The following FHIP1A variants were observed in gnomAD, a reference collection of about 807,000 sequenced individuals.
FHIP1A encodes FHF complex subunit HOOK interacting protein 1A, also known as FHF complex subunit HOOK-interacting protein 1A.
In FHIP1A, 61 loss-of-function variants were observed where a neutral mutation model predicts 88.6. The ratio of observed to expected loss-of-function variants is 0.69; its 90% confidence interval spans 0.56 to 0.85. The LOEUF is 0.85. FHIP1A is among the 40% of genes least tolerant of loss of function. The probability of loss-of-function intolerance (pLI) is 0.00; values close to 1 mark genes in which losing one functional copy is unlikely to be tolerated. For synonymous variants in FHIP1A, 478 were observed against 496.0 expected (o/e 0.96, Z 0.48); for missense variants, 1,154 against 1,273.5 (o/e 0.91, Z 1.43).
At chr4:151,517,667 T>C (rs977684881) in intron 3 of FHIP1A, among the ~76,000 whole-genome samples, 1 of 152,046 alleles carries the variant, frequency 6.6e-6, no homozygotes, top group Non-Finnish European at 1.5e-5. Flanking sequence ...AGAACTGTGG[T>C]CCCCTAAGAT....
intron 10 of FHIP1A, among the ~76,000 whole-genome samples, chr4:151,647,372 C>G (rs1470065609): frequency 1.3e-5 from 2 of 152,208 alleles, no homozygotes; most frequent in Non-Finnish European, 2.9e-5. Flanking sequence ...ATCTGTATAT[C>G]TTTGATGGTC....
chr4:151,465,842 C>T (rs1189756677), intron 2 of FHIP1A, among the ~76,000 whole-genome samples: 2 of 152,160 alleles, frequency 1.3e-5, no homozygotes, highest in Non-Finnish European at 2.9e-5. Flanking sequence ...GTTACAAACT[C>T]TCAATAAACT....
intron 4 of FHIP1A, among the ~76,000 whole-genome samples, chr4:151,574,245 G>A (rs565133575): frequency 6.6e-6 from 1 of 152,302 alleles, no homozygotes; most frequent in Admixed American, 6.5e-5. Flanking sequence ...GTTAGAGCTG[G>A]GTCTTCAATG....
chr4:151,591,012 G>A (rs1227862793), intron 7 of FHIP1A, among the ~76,000 whole-genome samples: 3 of 151,912 alleles, frequency 2.0e-5, no homozygotes, highest in Non-Finnish European at 4.4e-5. Flanking sequence ...GGGCTATATA[G>A]CAACTAGGGA....
At chr4:151,589,687 C>T (rs1734351354) in intron 7 of FHIP1A, among the ~76,000 whole-genome samples, 1 of 152,178 alleles carries the variant, frequency 6.6e-6, no homozygotes, top group South Asian at 2.1e-4. Context: ...ATTCTGCATC[C>T]TGAAGTTCAA....
At chr4:151,578,423 G>C (rs911328149) in intron 5 of FHIP1A, among the ~76,000 whole-genome samples, 6 of 152,154 alleles carry the variant, frequency 3.9e-5, no homozygotes, top group Non-Finnish European at 8.8e-5. Flanking sequence ...GGTTGATTTT[G>C]CTCCAAGGAA....
intron 1 of FHIP1A, among the ~76,000 whole-genome samples, chr4:151,444,433 C>A (rs1728518992): frequency 6.6e-6 from 1 of 151,926 alleles, no homozygotes; most frequent in Non-Finnish European, 1.5e-5. Flanking sequence ...AGCATTGATA[C>A]CTACTATATA....
intron 11 of FHIP1A, among the ~76,000 whole-genome samples, chr4:151,655,959 C>T (rs1473738170): frequency 3.3e-5 from 5 of 151,466 alleles, no homozygotes; most frequent in South Asian, 2.1e-4. Flanking sequence ...TTTTTTTTCC[C>T]GAGATCTGTG....
At chr4:151,619,278 GTTT>G (rs1197117541) in intron 7 of FHIP1A, among the ~76,000 whole-genome samples, 1 of 152,012 alleles carries the variant, frequency 6.6e-6, no homozygotes, top group Non-Finnish European at 1.5e-5. Context: ...ACAATTTTTG[GTTT>G]TTAACTTAAA....
chr4:151,598,126 C>T (rs150981384), intron 7 of FHIP1A, among the ~76,000 whole-genome samples: 144 of 152,198 alleles, frequency 9.5e-4, no homozygotes, highest in African/African-American at 3.2e-3. Flanking sequence ...CCCAAATGGC[C>T]GGCCAGTTTT....
At chr4:151,626,049 A>G (rs1735939896) in intron 7 of FHIP1A, among the ~76,000 whole-genome samples, 1 of 152,202 alleles carries the variant, frequency 6.6e-6, no homozygotes, top group Non-Finnish European at 1.5e-5. Flanking sequence ...AATATTTTGT[A>G]TGTTTGCATA....
intron 3 of FHIP1A, among the ~76,000 whole-genome samples, chr4:151,516,530 T>G (rs1207726314): frequency 3.9e-4 from 59 of 151,906 alleles, no homozygotes; most frequent in Non-Finnish European, 5.9e-4. Flanking sequence ...CAAAATGGGA[T>G]AAAATTTTTG....
chr4:151,654,567 C>T (rs1737158033), intron 11 of FHIP1A, among the ~76,000 whole-genome samples: 1 of 152,160 alleles, frequency 6.6e-6, no homozygotes, highest in African/African-American at 2.4e-5. Context: ...GATGCTAAGC[C>T]AGGGACTGCG....
At chr4:151,516,636 GC>G (rs1560742682) in intron 3 of FHIP1A, among the ~76,000 whole-genome samples, 1 of 152,148 alleles carries the variant, frequency 6.6e-6, no homozygotes, top group African/African-American at 2.4e-5. Context: ...CAAAAAGTGG[GC>G]AAAGGACAGG....
chr4:151,650,089 CCCT>C lies in FHIP1A; in HGVS notation c.2053_2055del (p.Leu685del). 2 of 1,551,674 alleles carry C rather than the reference CCCT, an allele frequency of 1.3e-6. No homozygotes were observed. Among genetic ancestry groups the C allele is most frequent in the South Asian group, 2.4e-5 (2 of 84,048 alleles). ...CAGAGTGTCCCCATCAACAACGGCC[CCCT>C]CCTCAGCACCCAGCCAGAGACAGAT... On this transcript the variant is annotated inframe_deletion, in exon 11 of 14. Coordinates refer to ENST00000435205, the MANE Select transcript of FHIP1A (RefSeq NM_001109977.3).
chr4:151,582,851 T>A (rs1239724828), intron 5 of FHIP1A, among the ~76,000 whole-genome samples: 1 of 152,174 alleles, frequency 6.6e-6, no homozygotes, highest in East Asian at 1.9e-4. Context: ...ACATCTATAT[T>A]TAAACTTTTA....
At chr4:151,523,957 A>C (rs550355901) in intron 3 of FHIP1A, among the ~76,000 whole-genome samples, 1 of 152,282 alleles carries the variant, frequency 6.6e-6, no homozygotes, top group African/African-American at 2.4e-5. Context: ...AGCCAACAGC[A>C]ATGTCTTTCT....
intron 3 of FHIP1A, among the ~76,000 whole-genome samples, chr4:151,531,276 C>T (rs1292897740): frequency 6.6e-6 from 1 of 151,776 alleles, no homozygotes; most frequent in Non-Finnish European, 1.5e-5. Flanking sequence ...GATTTGCACA[C>T]TTTCATTAAG....
At chr4:151,449,662 A>C (rs1728726552) in intron 1 of FHIP1A, among the ~76,000 whole-genome samples, 1 of 151,968 alleles carries the variant, frequency 6.6e-6, no homozygotes, top group Non-Finnish European at 1.5e-5. Context: ...TTTCCCCTCT[A>C]CCAACTTTTC....
Sources: gnomAD v4.1 joint callset for allele counts (sites outside exome capture counted in the v4.1 genomes callset) on GRCh38, gnomAD v4.1.1 for gene constraint, MANE v1.5 for transcripts, NCBI Gene and HGNC (gene_info 2026-07-23, HGNC 2026-07-21) for gene names.